The following KIF11 variants were observed in gnomAD, a reference collection of about 807,000 sequenced individuals.
The protein encoded by KIF11 is kinesin family member 11, also known as kinesin-like protein KIF11.
KIF11 carries 9 observed loss-of-function variants against 121.0 expected under a neutral mutation model. The ratio of observed to expected loss-of-function variants is 0.07; its 90% CI spans 0.04 to 0.13. The LOEUF (loss-of-function observed/expected upper bound fraction) is 0.13, where lower values mean the gene tolerates loss of function less well. Among genes scored for constraint, KIF11 ranks in the 10% least tolerant of loss-of-function variants. KIF11 has a pLI of 1.00. For missense variants in KIF11, 846 were observed against 1,217.5 expected (o/e 0.69, Z 4.54); for synonymous variants, 408 against 421.0 (o/e 0.97, Z 0.38).
chr10:92,648,134 G>T (rs1589607837), intron 18 of KIF11, 78 bp from the exon 19 acceptor site: 2 of 986,592 alleles, frequency 2.0e-6, no homozygotes, highest in Non-Finnish European at 2.9e-6. Flanking sequence ...TATGGAAAAG[G>T]TAAGGGAAAA....
chr10:92,618,606 T>C (rs1844584947), intron 9 of KIF11, among the ~76,000 whole-genome samples: 1 of 146,426 alleles, frequency 6.8e-6, no homozygotes, highest in Non-Finnish European at 1.5e-5. Flanking sequence ...ATCGAGCCAC[T>C]GTACTACAGC....
Position 92,653,760 on chromosome 10 carries a change from G to C in KIF11, c.3135G>C (p.Lys1045Asn). The change falls in exon 22 of 22, where the codon AAG (lysine) becomes AAC (asparagine). Residue 1045 changes from lysine (K) to asparagine (N), a missense_variant. Physicochemically the swap from Lys to Asn is moderately conservative, Grantham distance 94. Coordinates refer to ENST00000260731, the MANE Select transcript of KIF11 (RefSeq NM_004523.4). ...VEETTEHLVT[K>N]SRLPLRAQIN... ...AAACTACAGAGCACTTGGTTACAAA[G>C]AGCAGATTACCTCTGCGAGCCCAGA... 1 of 1,614,020 alleles carries C rather than the reference G, an allele frequency of 6.2e-7. No individual in the cohort carries two copies. Among genetic ancestry groups the C allele is most frequent in the South Asian group, 1.1e-5 (1 of 91,074 alleles).
intron 17 of KIF11, among the ~76,000 whole-genome samples, chr10:92,644,141 G>GAC (rs1413363479): frequency 6.6e-6 from 1 of 152,064 alleles, no homozygotes; most frequent in Non-Finnish European, 1.5e-5. Context: ...CTGCTTTCCT[G>GAC]ACATTTATTG....
chr10:92,606,613 C>A lies in KIF11; in HGVS notation c.211-6C>A. 1 of 1,435,118 alleles carries A rather than the reference C, an allele frequency of 7.0e-7. No homozygotes were observed. Among genetic ancestry groups the A allele is most frequent in the Non-Finnish European group, 9.5e-7 (1 of 1,054,712 alleles). The allele number at this position is 1,435,118 out of a possible 1,614,324, so 88.9% of individuals were successfully genotyped here. ...TGATTTTTTTTTTTTTAATTTTTTT[C>A]GTTAGGTGTTTGGAGCATCTACTAA... On this transcript the variant is annotated splice_region_variant and splice_polypyrimidine_tract_variant and intron_variant, in intron 2 of 21. Coordinates refer to ENST00000260731, the MANE Select transcript of KIF11 (RefSeq NM_004523.4).
At chr10:92,648,107 C>CAAA (rs1844940166) in intron 18 of KIF11, 105 bp from the exon 19 acceptor site, 9 of 693,530 alleles carry the variant, frequency 1.3e-5, no homozygotes, top group Admixed American at 1.1e-4. Context: ...AGACTTGTCT[C>CAAA]CAAAAAAAAA....
chr10:92,642,188 TATATG>T (rs756550599), intron 17 of KIF11, among the ~76,000 whole-genome samples: 5 of 152,130 alleles, frequency 3.3e-5, no homozygotes, highest in Non-Finnish European at 5.9e-5. Context: ...TGGTTCTTGA[TATATG>T]ATAAGTGATT....
chr10:92,620,419 G>C (rs1175258564), intron 9 of KIF11, among the ~76,000 whole-genome samples: 3 of 152,080 alleles, frequency 2.0e-5, no homozygotes, highest in East Asian at 3.9e-4. Flanking sequence ...ACACATGCTT[G>C]ATTAATTTCC....
intron 14 of KIF11, among the ~76,000 whole-genome samples, chr10:92,635,460 C>T (rs989542988): frequency 3.2e-4 from 49 of 152,230 alleles, no homozygotes; most frequent in Admixed American, 3.1e-3. Context: ...GTTGACCAGG[C>T]GCAGTGGCTC....
intron 19 of KIF11, 81 bp downstream of exon 19, chr10:92,648,515 T>A: frequency 2.4e-6 from 2 of 850,160 alleles, no homozygotes; most frequent in Non-Finnish European, 1.8e-6. Context: ...TCAGAAAAAT[T>A]AGGTCCTGCC....
rs1315101525 is a variant in KIF11, at chr10:92,593,188, G to A, written c.-188G>A. On this transcript the variant is annotated 5_prime_UTR_variant, in exon 1 of 22. Coordinates refer to ENST00000260731, the MANE Select transcript of KIF11 (RefSeq NM_004523.4). ...TGATTTGGCGGCTCCGACTGGCGCGGGACAAACGCCACGGCCAGAGTACCG... is the reference window on the plus strand; with the variant it reads ...TGATTTGGCGGCTCCGACTGGCGCGAGACAAACGCCACGGCCAGAGTACCG... 5.3e-6 allele frequency: 3 copies of A among 561,800 alleles called. No homozygotes were observed. The highest frequency in any genetic ancestry group is 6.9e-5 in the Admixed American group (2 of 29,128). 34.8% of individuals were successfully genotyped at this position (561,800 alleles called of 1,614,324 possible). A position where few individuals can be genotyped will look rare whatever the true frequency, so the allele number is the denominator to read the frequency against.
chr10:92,635,828 T>G (rs921986893), intron 14 of KIF11, among the ~76,000 whole-genome samples: 2 of 152,210 alleles, frequency 1.3e-5, no homozygotes, highest in African/African-American at 2.4e-5. Context: ...ACTTACCAAG[T>G]TACAATTTTT....
intron 14 of KIF11, among the ~76,000 whole-genome samples, chr10:92,636,589 C>G (rs1844799878): frequency 6.6e-6 from 1 of 151,444 alleles, no homozygotes; most frequent in Admixed American, 6.6e-5. Context: ...GCACTCCAGC[C>G]TGGGCCACGA....
chr10:92,596,502 A>G (rs1052464344), intron 1 of KIF11, among the ~76,000 whole-genome samples: 5 of 150,806 alleles, frequency 3.3e-5, no homozygotes, highest in African/African-American at 4.9e-5. Flanking sequence ...AAGGGTTCCA[A>G]TTTCTCCACA....
At chr10:92,607,595 G>C (rs1286718265) in intron 4 of KIF11, among the ~76,000 whole-genome samples, 1 of 152,118 alleles carries the variant, frequency 6.6e-6, no homozygotes. Context: ...GCATGGCCAG[G>C]GGAAGTATAG....
Position 92,637,257 on chromosome 10 carries a change from T to G in KIF11, c.1949T>G (p.Ile650Ser), listed in dbSNP as rs746889801. The G allele has an allele frequency of 5.7e-6, 9 of 1,590,194 alleles. No homozygotes were observed. Among genetic ancestry groups the G allele is most frequent in the Non-Finnish European group, 7.7e-6 (9 of 1,174,618 alleles). The stretch of plus-strand genomic sequence containing the variant: ...CCAACTGTGGTGTCTATACTGAAAA[T>G]CAATAGTCAACTAAAGCATATTTTC... Reference protein sequence around the residue: ...LSPTVVSILKINSQLKHIFKT... With the variant: ...LSPTVVSILKSNSQLKHIFKT... Residue 650 changes from isoleucine (I) to serine (S), a missense_variant, in exon 15 of 22, where the codon ATC (isoleucine) becomes AGC (serine). Coordinates refer to ENST00000260731, the MANE Select transcript of KIF11 (RefSeq NM_004523.4).
At chr10:92,636,249 A>T (rs1052129982) in intron 14 of KIF11, among the ~76,000 whole-genome samples, 4 of 152,142 alleles carry the variant, frequency 2.6e-5, no homozygotes, top group African/African-American at 9.7e-5. Context: ...GTTTTTAAAA[A>T]TTTATTTTGT....
At chr10:92,648,507 AG>A (rs1844945402) in intron 19 of KIF11, 73 bp downstream of exon 19, 1 of 923,252 alleles carries the variant, frequency 1.1e-6, no homozygotes, top group African/African-American at 1.7e-5. Flanking sequence ...TCAGATGTTC[AG>A]AAAAATTAGG....
At chr10:92,608,043 T>C (rs1844448412) in intron 4 of KIF11, among the ~76,000 whole-genome samples, 1 of 146,598 alleles carries the variant, frequency 6.8e-6, no homozygotes, top group Non-Finnish European at 1.5e-5. Context: ...TAATCCCAGC[T>C]ACCTGAGAAC....
At chr10:92,629,662 A>G (rs903434273) in intron 11 of KIF11, among the ~76,000 whole-genome samples, 7 of 152,062 alleles carry the variant, frequency 4.6e-5, no homozygotes, top group Non-Finnish European at 5.9e-5. Context: ...TGCCCAGGCT[A>G]CAGTGCAGTG....
Sources: allele counts gnomAD v4.1 joint callset (sites outside exome capture counted in the v4.1 genomes callset), GRCh38; gene constraint gnomAD v4.1.1; transcripts MANE v1.5; gene names NCBI Gene and HGNC (gene_info 2026-07-23, HGNC 2026-07-21).